Variants in RBFOX1 observed in about 807,000 individuals in gnomAD.
The protein encoded by RBFOX1 is RNA binding protein fox-1 homolog 1.
In RBFOX1, 8 loss-of-function variants were observed where a neutral mutation model predicts 57.7. The ratio of observed to expected loss-of-function variants is 0.14; its 90% CI spans 0.08 to 0.25. The LOEUF is 0.25. Ranked by LOEUF, RBFOX1 falls within the 10% of genes least tolerant of loss-of-function variation. The pLI is 1.00. For missense variants in RBFOX1, 611 were observed against 548.5 expected, an observed-to-expected ratio of 1.11 and a Z score of -1.14; for synonymous variants, 326 against 222.4, an observed-to-expected ratio of 1.47 and a Z score of -4.15.
intron 1 of RBFOX1, among the ~76,000 whole-genome samples, chr16:6,134,121 G>C (rs1436051106): frequency 6.6e-6 from 1 of 151,884 alleles, no homozygotes; most frequent in African/African-American, 2.4e-5. Context: ...ATTTTTAGGA[G>C]AGACAGGGTT....
intron 4 of RBFOX1, among the ~76,000 whole-genome samples, chr16:7,146,017 G>A (rs1182822847): frequency 1.3e-5 from 2 of 152,158 alleles, no homozygotes; most frequent in Non-Finnish European, 2.9e-5. Flanking sequence ...ACTGGCTAGG[G>A]GCTAAGAGTG....
At chr16:5,991,603 C>A (rs1436896016) in intron 4 of RBFOX1, among the ~76,000 whole-genome samples, 1 of 151,662 alleles carries the variant, frequency 6.6e-6, no homozygotes. Flanking sequence ...GGAGAAACTC[C>A]TCATCGAAAA....
intron 2 of RBFOX1, among the ~76,000 whole-genome samples, chr16:6,526,273 T>G (rs955781137): frequency 2.0e-4 from 30 of 152,214 alleles, no homozygotes; most frequent in African/African-American, 7.0e-4. Context: ...GGGTTTCCTA[T>G]CGTGCTGTTA....
chr16:6,957,503 A>C (rs920885295), intron 3 of RBFOX1, among the ~76,000 whole-genome samples: 1 of 152,120 alleles, frequency 6.6e-6, no homozygotes, highest in Admixed American at 6.5e-5. Context: ...CATGGCATTT[A>C]TAAACTTTCA....
At chr16:7,647,612 T>C (rs752404899) in intron 11 of RBFOX1, among the ~76,000 whole-genome samples, 4 of 152,160 alleles carry the variant, frequency 2.6e-5, no homozygotes, top group Non-Finnish European at 5.9e-5. Context: ...GGTGTCTTTT[T>C]CCCCTAACAT....
intron 1 of RBFOX1, among the ~76,000 whole-genome samples, chr16:6,227,138 T>C (rs1302001537): frequency 6.6e-6 from 1 of 151,578 alleles, no homozygotes; most frequent in Non-Finnish European, 1.5e-5. Context: ...AAAAAAAAAG[T>C]AATATTATTA....
intron 1 of RBFOX1, among the ~76,000 whole-genome samples, chr16:6,137,606 ATTTTTTTTTT>A (rs57190040): frequency 1.9e-4 from 19 of 98,366 alleles, no homozygotes; most frequent in South Asian, 1.1e-3. Flanking sequence ...GCGCCTGGTC[ATTTTTTTTTT>A]TTTTTTTTTT....
At chr16:5,255,701 T>C (rs1366683835) in intron 1 of RBFOX1, among the ~76,000 whole-genome samples, 2 of 151,528 alleles carry the variant, frequency 1.3e-5, no homozygotes, top group African/African-American at 2.4e-5. Context: ...TCCACCCACC[T>C]ATCTATCCAT....
chr16:7,498,013 G>T (rs1287434225), intron 4 of RBFOX1, among the ~76,000 whole-genome samples: 3 of 152,206 alleles, frequency 2.0e-5, no homozygotes, highest in African/African-American at 4.8e-5. Flanking sequence ...CCAAATAGGT[G>T]CTTTAGACAG....
chr16:5,337,158 T>G (rs1217023402), intron 1 of RBFOX1, among the ~76,000 whole-genome samples: 1 of 152,172 alleles, frequency 6.6e-6, no homozygotes, highest in African/African-American at 2.4e-5. Flanking sequence ...AGCACATGGC[T>G]CAGGTGACAA....
chr16:5,662,532 C>T (rs1165462412), intron 3 of RBFOX1, among the ~76,000 whole-genome samples: 1 of 152,146 alleles, frequency 6.6e-6, no homozygotes, highest in African/African-American at 2.4e-5. Context: ...CTTGGTAGAT[C>T]TCCCTGAAAG....
At chr16:5,287,848 G>C (rs1249289779) in intron 1 of RBFOX1, among the ~76,000 whole-genome samples, 1 of 152,202 alleles carries the variant, frequency 6.6e-6, no homozygotes, top group Non-Finnish European at 1.5e-5. Flanking sequence ...TCAGTGGGAG[G>C]AACTGCAGAG....
chr16:6,122,543 C>T (rs1157979660), intron 1 of RBFOX1, among the ~76,000 whole-genome samples: 1 of 152,142 alleles, frequency 6.6e-6, no homozygotes, highest in Non-Finnish European at 1.5e-5. Context: ...GAGCCTCATC[C>T]CTGCATGGGC....
intron 2 of RBFOX1, among the ~76,000 whole-genome samples, chr16:5,483,182 G>A (rs2069605982): frequency 6.6e-6 from 1 of 152,200 alleles, no homozygotes; most frequent in African/African-American, 2.4e-5. Context: ...GGAGTCCAGA[G>A]TCCTTGATGG....
At chr16:6,070,871 G>A (rs920271809) in intron 1 of RBFOX1, among the ~76,000 whole-genome samples, 1 of 151,492 alleles carries the variant, frequency 6.6e-6, no homozygotes, top group Admixed American at 6.6e-5. Context: ...TCATTTGACA[G>A]TAGCCGTATA....
chr16:7,433,423 A>C (rs2098697755), intron 4 of RBFOX1, among the ~76,000 whole-genome samples: 1 of 152,172 alleles, frequency 6.6e-6, no homozygotes, highest in Non-Finnish European at 1.5e-5. Context: ...AAGGAACTTC[A>C]AGTCTAATAG....
At chr16:7,339,501 C>G (rs1406153555) in intron 4 of RBFOX1, among the ~76,000 whole-genome samples, 1 of 152,172 alleles carries the variant, frequency 6.6e-6, no homozygotes, top group East Asian at 1.9e-4. Flanking sequence ...AGTGCAGTGG[C>G]ATGATCTCAG....
chr16:6,578,569 G>T (rs1490287177), intron 2 of RBFOX1, among the ~76,000 whole-genome samples: 8 of 131,548 alleles, frequency 6.1e-5, no homozygotes, highest in Non-Finnish European at 1.1e-4. Context: ...GCCCAATGGG[G>T]ATGTCGGCTA....
intron 1 of RBFOX1, among the ~76,000 whole-genome samples, chr16:5,459,473 C>T (rs946453937): frequency 9.9e-5 from 15 of 152,004 alleles, no homozygotes; most frequent in African/African-American, 3.6e-4. Flanking sequence ...TTTAGACCTC[C>T]TCTCTGAATC....
Sources: gnomAD v4.1 joint callset for allele counts (sites outside exome capture counted in the v4.1 genomes callset) on GRCh38, gnomAD v4.1.1 for gene constraint, MANE v1.5 for transcripts, NCBI Gene and HGNC (gene_info 2026-07-23, HGNC 2026-07-21) for gene names.